Variants in EFNA3 observed in about 807,000 individuals in gnomAD.
EFNA3 encodes ephrin A3, also known as ephrin-A3.
A neutral mutation model predicts 25.0 loss-of-function variants in EFNA3; 15 were observed. The observed-to-expected ratio is 0.60, with a 90% CI of 0.40 to 0.92. The LOEUF (loss-of-function observed/expected upper bound fraction) is 0.92. Ranked by LOEUF, EFNA3 falls within the 40% of genes least tolerant of loss-of-function variation. The probability of loss-of-function intolerance (pLI) is 0.00; values close to 1 mark genes in which losing one functional copy is unlikely to be tolerated. For missense variants in EFNA3, 298 were observed against 323.8 expected, an observed-to-expected ratio of 0.92 and a Z score of 0.61; for synonymous variants, 153 against 145.6, an observed-to-expected ratio of 1.05 and a Z score of -0.37.
At position 155,085,361 on chromosome 1, in the gene EFNA3, T is replaced by C; in HGVS notation, c.399T>C (p.Ser133=). The C allele has an allele frequency of 6.2e-7, 1 of 1,612,024 alleles. No individual in the cohort carries two copies. The highest frequency in any genetic ancestry group is 8.5e-7 in the Non-Finnish European group (1 of 1,178,972). Residue 133 remains serine, a synonymous_variant, in exon 2 of 5, where the codon TCT becomes TCC. Coordinates refer to ENST00000368408, the MANE Select transcript of EFNA3 (RefSeq NM_004952.5). This position sits in a 1 kb window ranked among gnomAD's most constrained non-coding sequence, Gnocchi z 4.4. ...AGTTCCAGCGCTACAGCGCCTTCTC[T>C]CTGGGCTACGAGTTCCACGCCGGCC... ...SEKFQRYSAF[S]LGYEFHAGHE...
chr1:155,086,103 T>TACCC, intron 3 of EFNA3, 25 bp from the exon 4 acceptor site: 2 of 1,577,732 alleles, frequency 1.3e-6, no homozygotes, highest in Non-Finnish European at 1.7e-6. Flanking sequence ...CCCTCCTCTC[T>TACCC]CCCCACCCGC....
At position 155,085,010 on chromosome 1, in the gene EFNA3, G is replaced by A. The variant is rs1663422988; in HGVS notation, c.129-81G>A. On this transcript the variant is annotated intron_variant, in intron 1 of 4. Transcript: ENST00000368408. The surrounding 1 kb of genome is among the most constrained non-coding windows in gnomAD (Gnocchi z 4.4). The stretch of plus-strand genomic sequence containing the variant: ...AGTCGGAAGGCTACGCGGACCCTGG[G>A]GAGGGGCTGCGGAGCGGTCAGATGG... The A allele has an allele frequency of 1.3e-6, 2 of 1,501,406 alleles. No individual in the cohort carries two copies. Among genetic ancestry groups the A allele is most frequent in the Non-Finnish European group, 1.8e-6 (2 of 1,093,322 alleles). 93.0% of individuals were successfully genotyped at this position (1,501,406 alleles called of 1,614,324 possible).
chr1:155,086,452 A>G lies in EFNA3; in HGVS notation c.626A>G (p.Glu209Gly). Reference sequence around the variant, plus strand: ...GAGAACCCTCAGGTGCCCAAGCTTGAGAAGAGCATCAGCGGGACCAGCCCC... The same window carrying G: ...GAGAACCCTCAGGTGCCCAAGCTTGGGAAGAGCATCAGCGGGACCAGCCCC... ...EGENPQVPKL[E>G]KSISGTSPKR... The change falls in exon 5 of 5, where the codon GAG (glutamate) becomes GGG (glycine). Residue 209 changes from glutamate (E) to glycine (G), a missense_variant. By Grantham distance (98) the Glu-to-Gly change is moderately conservative. Transcript: ENST00000368408. 6.2e-7 allele frequency: 1 copy of G among 1,614,092 alleles called. No homozygotes were observed. The highest frequency in any genetic ancestry group is 1.1e-5 in the South Asian group (1 of 91,080).
At position 155,080,907 on chromosome 1, in the gene EFNA3, C is replaced by T. The variant is rs1663330692; in HGVS notation, c.128+1838C>T. 6.6e-6 allele frequency among the ~76,000 whole-genome samples: 1 copy of T among 152,208 alleles called. No individual in the cohort carries two copies. The highest frequency in any genetic ancestry group is 6.5e-5 in the Admixed American group (1 of 15,294). On this transcript the variant is annotated intron_variant, in intron 1 of 4. Coordinates refer to ENST00000368408, the MANE Select transcript of EFNA3 (RefSeq NM_004952.5). The surrounding 1 kb of genome is among the most constrained non-coding windows in gnomAD (Gnocchi z 7.0). ...CGCTGCGCCCGGGCTCCCCGGCTCCCTCACTGCGGCAGCCGCGGCCCCATA... is the reference window on the plus strand; with the variant it reads ...CGCTGCGCCCGGGCTCCCCGGCTCCTTCACTGCGGCAGCCGCGGCCCCATA...
chr1:155,080,420 C>T lies in EFNA3; in HGVS notation c.128+1351C>T, dbSNP rs1663319783. On this transcript the variant is annotated intron_variant, in intron 1 of 4. Coordinates refer to ENST00000368408, the MANE Select transcript of EFNA3 (RefSeq NM_004952.5). This position sits in a 1 kb window ranked among gnomAD's most constrained non-coding sequence, Gnocchi z 7.0. Reference sequence around the variant, plus strand: ...CCCCTCTCGCTTCCCATGGAAACCTCGGGGGTGGGGACGTGGCCCCTCCCC... The same window carrying T: ...CCCCTCTCGCTTCCCATGGAAACCTTGGGGGTGGGGACGTGGCCCCTCCCC... 6.6e-6 allele frequency among the ~76,000 whole-genome samples: 1 copy of T among 151,950 alleles called. No homozygotes were observed. The highest frequency in any genetic ancestry group is 1.5e-5 in the Non-Finnish European group (1 of 67,914).
In EFNA3 at chr1:155,078,900, G is replaced by C; in HGVS notation, c.-42G>C. 2.2e-6 allele frequency: 3 copies of C among 1,350,102 alleles called. No individual in the cohort carries two copies. The highest frequency in any genetic ancestry group is 2.8e-6 in the Non-Finnish European group (3 of 1,053,120). 83.6% of individuals were successfully genotyped at this position (1,350,102 alleles called of 1,614,324 possible). ...GCTGGGAAGCGGAGAAGCCGGGAGC[G>C]CGGGGCTCAGTCGGGGGGCGGCGGC... On this transcript the variant is annotated 5_prime_UTR_variant, in exon 1 of 5. Coordinates refer to ENST00000368408, the MANE Select transcript of EFNA3 (RefSeq NM_004952.5).
chr1:155,078,887 A>C lies in EFNA3; in HGVS notation c.-55A>C. ...GCGGCAGCAGGGAGCTGGGAAGCGG[A>C]GAAGCCGGGAGCGCGGGGCTCAGTC... On this transcript the variant is annotated 5_prime_UTR_variant, in exon 1 of 5. Coordinates refer to ENST00000368408, the MANE Select transcript of EFNA3 (RefSeq NM_004952.5). 1 of 1,335,116 alleles carries C rather than the reference A, an allele frequency of 7.5e-7. No individual in the cohort carries two copies. The highest frequency in any genetic ancestry group is 2.1e-5 in the South Asian group (1 of 48,026). 82.7% of individuals were successfully genotyped at this position (1,335,116 alleles called of 1,614,324 possible). A position where few individuals can be genotyped will look rare whatever the true frequency, so the allele number is the denominator to read the frequency against.
Position 155,085,135 on chromosome 1 carries a change from A to C in EFNA3, c.173A>C (p.Tyr58Ser). The part of the protein sequence containing the change: ...GYTVQVNVND[Y>S]LDIYCPHYNS... The stretch of plus-strand genomic sequence containing the variant: ...ACCGTGCAGGTGAACGTGAACGACT[A>C]TCTGGATATTTACTGCCCGCACTAC... The change falls in exon 2 of 5, where the codon TAT becomes TCT. Residue 58 changes from tyrosine (Y) to serine (S), a missense_variant. Coordinates refer to ENST00000368408, the MANE Select transcript of EFNA3 (RefSeq NM_004952.5). This position sits in a 1 kb window ranked among gnomAD's most constrained non-coding sequence, Gnocchi z 4.4. 1 of 1,613,662 alleles carries C rather than the reference A, an allele frequency of 6.2e-7. No individual in the cohort carries two copies. Among genetic ancestry groups the C allele is most frequent in the African/African-American group, 1.3e-5 (1 of 75,056 alleles).
At chr1:155,082,714 C>T (rs1571662765) in intron 1 of EFNA3, among the ~76,000 whole-genome samples, 1 of 152,216 alleles carries the variant, frequency 6.6e-6, no homozygotes, top group Non-Finnish European at 1.5e-5. Flanking sequence ...ACAACCCGGT[C>T]CCCAGGTCCC....
Position 155,086,188 on chromosome 1 carries a change from TGAA to T in EFNA3, c.572_574del (p.Lys191del). The T allele has an allele frequency of 6.2e-7, 1 of 1,612,752 alleles. No homozygotes were observed. Among genetic ancestry groups the T allele is most frequent in the Admixed American group, 1.7e-5 (1 of 59,972 alleles). ...CCCCAGTTCACCATGGGCCCCAATG[TGAA>T]GATCAACGTGCTGGGTGAGTCTGCG... is the stretch of plus-strand genomic sequence containing the variant. On this transcript the variant is annotated inframe_deletion, in exon 4 of 5. Coordinates refer to ENST00000368408, the MANE Select transcript of EFNA3 (RefSeq NM_004952.5).
chr1:155,086,567 G>T lies in EFNA3; in HGVS notation c.*24G>T. 1 of 1,611,260 alleles carries T rather than the reference G, an allele frequency of 6.2e-7. No individual in the cohort carries two copies. On this transcript the variant is annotated 3_prime_UTR_variant, in exon 5 of 5. Transcript: ENST00000368408. ...AGCTCTGCCCCCTCCCCTGGGGGGG[G>T]AGAGATGGGGCGGGGCTTGGAAGGA...
Position 155,085,230 on chromosome 1 carries a change from A to G in EFNA3, c.268A>G (p.Met90Val), listed in dbSNP as rs142225795. ...CGGGGCAGAGCAGTACGTGCTGTAC[A>G]TGGTGAGCCGCAACGGCTACCGCAC... The part of the protein sequence containing the change: ...GGGAEQYVLY[M>V]VSRNGYRTCN... Residue 90 changes from methionine to valine, a missense_variant, in exon 2 of 5, where the codon ATG (methionine) becomes GTG (valine). By Grantham distance (21) the Met-to-Val change is conservative. Coordinates refer to ENST00000368408, the MANE Select transcript of EFNA3 (RefSeq NM_004952.5). The surrounding 1 kb of genome is among the most constrained non-coding windows in gnomAD (Gnocchi z 4.4). 9 of 1,612,982 alleles carry G rather than the reference A, an allele frequency of 5.6e-6. No homozygotes were observed. Among genetic ancestry groups the G allele is most frequent in the African/African-American group, 1.3e-5 (1 of 74,876 alleles).
At chr1:155,082,895 G>T (rs1269384390) in intron 1 of EFNA3, among the ~76,000 whole-genome samples, 1 of 152,204 alleles carries the variant, frequency 6.6e-6, no homozygotes, top group Non-Finnish European at 1.5e-5. Flanking sequence ...TCTCCAAAGA[G>T]TTGTGGCTGG....
chr1:155,085,519 G>T lies in EFNA3; in HGVS notation c.442+115G>T. ...GGCGCGGCGGGCGCCAGGTCTCGCG[G>T]CTGAGACCAGGGAGGAGGCGTGGGC... On this transcript the variant is annotated intron_variant, in intron 2 of 4. Coordinates refer to ENST00000368408, the MANE Select transcript of EFNA3 (RefSeq NM_004952.5). This position sits in a 1 kb window ranked among gnomAD's most constrained non-coding sequence, Gnocchi z 4.4. 2 of 1,299,708 alleles carry T rather than the reference G, an allele frequency of 1.5e-6. No homozygotes were observed. The highest frequency in any genetic ancestry group is 2.1e-6 in the Non-Finnish European group (2 of 969,156). The allele number at this position is 1,299,708 out of a possible 1,614,324, so 80.5% of individuals were successfully genotyped here.
At chr1:155,084,441 CTG>C (rs1241883223) in intron 1 of EFNA3, among the ~76,000 whole-genome samples, 3 of 152,232 alleles carry the variant, frequency 2.0e-5, no homozygotes, top group Admixed American at 6.5e-5. Context: ...CCCAGCTTTT[CTG>C]TGTGTCTGCT....
rs1345153427 is a variant in EFNA3 at position 155,085,867 on chromosome 1, T to C, written c.443-10T>C. ...GGGCGAAAGTGACTCAGGCCCGGTC[T>C]CCTCCCCAGCCACGCCCACTCACAA... On this transcript the variant is annotated splice_polypyrimidine_tract_variant and intron_variant, in intron 2 of 4. Transcript: ENST00000368408. The surrounding 1 kb of genome is among the most constrained non-coding windows in gnomAD (Gnocchi z 4.4). The C allele has an allele frequency of 6.2e-7, 1 of 1,612,772 alleles. No homozygotes were observed. The highest frequency in any genetic ancestry group is 2.2e-5 in the East Asian group (1 of 44,790).
rs972153770 is a variant in EFNA3 at position 155,087,377 on chromosome 1, GCCCCCT to G, written c.*838_*843del. Reference sequence around the variant, plus strand: ...CTTTTGGAGACCGTAAAACAACAACGCCCCCTCCCTTCCAGCCCTGAGCCGGGAACC... The same window carrying G: ...CTTTTGGAGACCGTAAAACAACAACGCCCTTCCAGCCCTGAGCCGGGAACC... On this transcript the variant is annotated 3_prime_UTR_variant, in exon 5 of 5. Transcript: ENST00000368408. 3.9e-5 allele frequency: 6 copies of G among 152,780 alleles called. No individual in the cohort carries two copies. Among genetic ancestry groups the G allele is most frequent in the Admixed American group, 3.3e-4 (5 of 15,268 alleles). The allele number at this position is 152,780 out of a possible 1,614,324, so 9.5% of individuals were successfully genotyped here.
rs943034016 is a variant in EFNA3 at position 155,087,426 on chromosome 1, C to G, written c.*883C>G. 3.3e-5 allele frequency: 5 copies of G among 152,896 alleles called. No homozygotes were observed. Among genetic ancestry groups the G allele is most frequent in the Admixed American group, 1.3e-4 (2 of 15,274 alleles). 9.5% of individuals were successfully genotyped at this position (152,896 alleles called of 1,614,324 possible). ...CGGGAACCATCTCCCAGGACCTTGCCCTGCTCACCCTATGTGGTCCCACCT... is the reference window on the plus strand; with the variant it reads ...CGGGAACCATCTCCCAGGACCTTGCGCTGCTCACCCTATGTGGTCCCACCT... On this transcript the variant is annotated 3_prime_UTR_variant, in exon 5 of 5. Coordinates refer to ENST00000368408, the MANE Select transcript of EFNA3 (RefSeq NM_004952.5).
Position 155,085,135 on chromosome 1 carries a change from A to G in EFNA3, c.173A>G (p.Tyr58Cys). The G allele has an allele frequency of 6.2e-7, 1 of 1,613,662 alleles. No homozygotes were observed. The highest frequency in any genetic ancestry group is 8.5e-7 in the Non-Finnish European group (1 of 1,180,008). ...ACCGTGCAGGTGAACGTGAACGACT[A>G]TCTGGATATTTACTGCCCGCACTAC... ...GYTVQVNVND[Y>C]LDIYCPHYNS... Residue 58 changes from tyrosine to cysteine, a missense_variant, in exon 2 of 5, where the codon TAT (tyrosine) becomes TGT (cysteine). Coordinates refer to ENST00000368408, the MANE Select transcript of EFNA3 (RefSeq NM_004952.5). The surrounding 1 kb of genome is among the most constrained non-coding windows in gnomAD (Gnocchi z 4.4).
Sources: gnomAD v4.1 joint callset for allele counts (sites outside exome capture counted in the v4.1 genomes callset) on GRCh38, gnomAD v4.1.1 for gene constraint, Gnocchi (gnomAD v3.1) non-coding constraint, MANE v1.5 for transcripts, NCBI Gene and HGNC (gene_info 2026-07-23, HGNC 2026-07-21) for gene names.